TGFBR2: variants seen among roughly 807,000 people sequenced by gnomAD.
The protein encoded by TGFBR2 is transforming growth factor beta receptor 2.
In TGFBR2, 18 loss-of-function variants were observed where a neutral mutation model predicts 49.0. The observed-to-expected ratio is 0.37, with a 90% confidence interval of 0.25 to 0.54. TGFBR2 has a LOEUF of 0.54. Among genes scored for constraint, TGFBR2 ranks in the 20% least tolerant of loss-of-function variants. The pLI is 0.85. For missense variants in TGFBR2, 525 were observed against 722.6 expected, an observed-to-expected ratio of 0.73 and a Z score of 3.13; for synonymous variants, 282 against 275.9, an observed-to-expected ratio of 1.02 and a Z score of -0.22.
intron 1 of TGFBR2, among the ~76,000 whole-genome samples, chr3:30,629,640 G>T (rs1698398886): frequency 6.6e-6 from 1 of 152,182 alleles, no homozygotes; most frequent in Admixed American, 6.5e-5. Flanking sequence ...TGGCTTTGGA[G>T]GACTTAGGGA....
chr3:30,661,637 G>C (rs762810761), intron 3 of TGFBR2: 26 of 509,280 alleles, frequency 5.1e-5, no homozygotes, highest in Middle Eastern at 3.2e-4. Flanking sequence ...CCAGGGTTTA[G>C]AGGTGAGTTA....
intron 1 of TGFBR2, among the ~76,000 whole-genome samples, chr3:30,632,743 G>C (rs1698460163): frequency 6.6e-6 from 1 of 152,152 alleles, no homozygotes; most frequent in African/African-American, 2.4e-5. Flanking sequence ...GATTTTCACA[G>C]GTACTTCAAG....
chr3:30,678,649 G>A (rs1389751996), intron 5 of TGFBR2, among the ~76,000 whole-genome samples: 2 of 151,614 alleles, frequency 1.3e-5, no homozygotes, highest in Admixed American at 6.6e-5. Context: ...TACATGACAA[G>A]TATAGTGGAT....
rs1699436566 is a variant in TGFBR2 at position 30,676,324 on chromosome 3, TTCA to T, written c.1396+2083_1396+2085del. Among the ~76,000 whole-genome samples, 1 of 152,238 alleles carries T rather than the reference TTCA, an allele frequency of 6.6e-6. No individual in the cohort carries two copies. Among genetic ancestry groups the T allele is most frequent in the Admixed American group, 6.5e-5 (1 of 15,288 alleles). On this transcript the variant is annotated intron_variant, in intron 5 of 6. Coordinates refer to ENST00000295754, the MANE Select transcript of TGFBR2 (RefSeq NM_003242.6). This position sits in a 1 kb window ranked among gnomAD's most constrained non-coding sequence, Gnocchi z 4.3. ...TAGCAAAGGTACTAGAACTTTCTTA[TTCA>T]TCATTTACCCACTAATTTGATGATC...
At chr3:30,667,812 T>G (rs979676658) in intron 3 of TGFBR2, among the ~76,000 whole-genome samples, 3 of 152,206 alleles carry the variant, frequency 2.0e-5, no homozygotes, top group African/African-American at 7.2e-5. Flanking sequence ...AATATTTAAA[T>G]TTTTTCAAAT....
intron 1 of TGFBR2, among the ~76,000 whole-genome samples, chr3:30,633,535 C>A (rs949990134): frequency 6.6e-6 from 1 of 152,090 alleles, no homozygotes; most frequent in Non-Finnish European, 1.5e-5. Context: ...GTGAAATAAT[C>A]ATTAATTGTA....
chr3:30,673,141 G>A (rs1398840944), intron 4 of TGFBR2, among the ~76,000 whole-genome samples: 2 of 152,192 alleles, frequency 1.3e-5, no homozygotes, highest in Admixed American at 6.5e-5. Context: ...TGAAGCACTC[G>A]GTTACTGCTC....
chr3:30,614,836 T>C (rs1698101591), intron 1 of TGFBR2, among the ~76,000 whole-genome samples: 1 of 152,240 alleles, frequency 6.6e-6, no homozygotes, highest in Non-Finnish European at 1.5e-5. Flanking sequence ...TTCCTAATTG[T>C]TATACTGTAC....
intron 1 of TGFBR2, among the ~76,000 whole-genome samples, chr3:30,638,008 T>C (rs1404902643): frequency 6.6e-6 from 1 of 152,234 alleles, no homozygotes; most frequent in African/African-American, 2.4e-5. Context: ...ATCTGACTTA[T>C]TGATCTTTTT....
chr3:30,630,337 T>C, intron 1 of TGFBR2, among the ~76,000 whole-genome samples: 1 of 152,220 alleles, frequency 6.6e-6, no homozygotes, highest in East Asian at 1.9e-4. Flanking sequence ...AGCATTATAA[T>C]TTGACTTTGT....
chr3:30,659,717 G>A (rs1443624398), intron 3 of TGFBR2, among the ~76,000 whole-genome samples: 1 of 151,074 alleles, frequency 6.6e-6, no homozygotes, highest in Non-Finnish European at 1.5e-5. Context: ...GAAAGCAGTC[G>A]GACCCATACT....
rs1290721138 is a variant in TGFBR2, at chr3:30,672,203, T to C, written c.1020T>C (p.His340=). The C allele has an allele frequency of 1.9e-6, 3 of 1,611,710 alleles. No individual in the cohort carries two copies. Among genetic ancestry groups the C allele is most frequent in the East Asian group, 2.2e-5 (1 of 44,824 alleles). The change falls in exon 4 of 7, where the codon CAT becomes CAC. Residue 340 remains histidine (H), a synonymous_variant. Coordinates refer to ENST00000295754, the MANE Select transcript of TGFBR2 (RefSeq NM_003242.6). This position sits in a 1 kb window ranked among gnomAD's most constrained non-coding sequence, Gnocchi z 4.5. ...ACCTACAGGAGTACCTGACGCGGCA[T>C]GTCATCAGCTGGGAGGACCTGCGCA... ...KGNLQEYLTR[H]VISWEDLRKL...
At chr3:30,613,630 G>T (rs376829942) in intron 1 of TGFBR2, among the ~76,000 whole-genome samples, 20 of 152,254 alleles carry the variant, frequency 1.3e-4, no homozygotes, top group African/African-American at 2.9e-4. Context: ...GAGCAGGCAG[G>T]GGGGAGGAAG....
At chr3:30,628,041 A>G (rs747930350) in intron 1 of TGFBR2, among the ~76,000 whole-genome samples, 2 of 150,000 alleles carry the variant, frequency 1.3e-5, no homozygotes, top group Non-Finnish European at 2.9e-5. Flanking sequence ...AGATAGTCTA[A>G]TGTTTGTGGA....
chr3:30,625,143 A>G (rs562496878), intron 1 of TGFBR2, among the ~76,000 whole-genome samples: 2 of 152,366 alleles, frequency 1.3e-5, no homozygotes, highest in Non-Finnish European at 2.9e-5. Flanking sequence ...TATTGTATCA[A>G]GAAAAGACTC....
At chr3:30,618,366 A>T (rs1168901584) in intron 1 of TGFBR2, among the ~76,000 whole-genome samples, 1 of 150,714 alleles carries the variant, frequency 6.6e-6, no homozygotes, top group African/African-American at 2.5e-5. Flanking sequence ...AGTAGCTGGG[A>T]TTACAGGTGT....
chr3:30,622,695 C>T (rs1250207342), intron 1 of TGFBR2, among the ~76,000 whole-genome samples: 1 of 151,814 alleles, frequency 6.6e-6, no homozygotes, highest in Non-Finnish European at 1.5e-5. Context: ...GCCTGACCAA[C>T]ATGGTGAAAC....
intron 1 of TGFBR2, among the ~76,000 whole-genome samples, chr3:30,629,369 A>T (rs1698395175): frequency 6.6e-6 from 1 of 152,156 alleles, no homozygotes; most frequent in African/African-American, 2.4e-5. Flanking sequence ...CTGGCCCTCC[A>T]CTTTCATGAA....
chr3:30,619,364 C>T (rs978599690), intron 1 of TGFBR2, among the ~76,000 whole-genome samples: 1 of 152,202 alleles, frequency 6.6e-6, no homozygotes, highest in East Asian at 1.9e-4. Context: ...AATCTCCCCC[C>T]AGATGGCATT....
Sources: gnomAD v4.1 joint callset for allele counts (sites outside exome capture counted in the v4.1 genomes callset) on GRCh38, gnomAD v4.1.1 for gene constraint, Gnocchi (gnomAD v3.1) non-coding constraint, MANE v1.5 for transcripts, NCBI Gene and HGNC (gene_info 2026-07-23, HGNC 2026-07-21) for gene names.